CRTAM: variants seen among roughly 807,000 people sequenced by gnomAD.
CRTAM encodes cytotoxic and regulatory T-cell molecule.
Under a neutral mutation model 50.0 loss-of-function variants are expected in CRTAM, and 44 were observed. The observed-to-expected ratio is 0.88, with a 90% CI of 0.69 to 1.13. The LOEUF is 1.13. Ranked by LOEUF, CRTAM falls within the 50% of genes most tolerant of loss-of-function variation. The pLI is 0.00. For synonymous variants in CRTAM, 159 were observed against 169.3 expected, an observed-to-expected ratio of 0.94 and a Z score of 0.47; for missense variants, 448 against 457.5, an observed-to-expected ratio of 0.98 and a Z score of 0.19.
At chr11:122,851,639 C>T in intron 2 of CRTAM, 54 bp from the exon 3 acceptor site, 2 of 1,572,064 alleles carry the variant, frequency 1.3e-6, no homozygotes, top group Non-Finnish European at 1.7e-6. Context: ...GGGTAGAGGC[C>T]AACGATTCAT....
intron 2 of CRTAM, among the ~76,000 whole-genome samples, chr11:122,850,689 A>G (rs1231514056): frequency 1.3e-5 from 2 of 152,332 alleles, no homozygotes; most frequent in East Asian, 3.9e-4. Context: ...TGGTCTTAAC[A>G]TAAAATCAAG....
At chr11:122,854,412 C>G (rs1314127605) in intron 4 of CRTAM, among the ~76,000 whole-genome samples, 1 of 152,076 alleles carries the variant, frequency 6.6e-6, no homozygotes, top group Non-Finnish European at 1.5e-5. Flanking sequence ...ATGGCTCATG[C>G]CTGTACTCCC....
intron 1 of CRTAM, among the ~76,000 whole-genome samples, chr11:122,844,630 C>T (rs1337344175): frequency 6.6e-6 from 1 of 152,156 alleles, no homozygotes; most frequent in Non-Finnish European, 1.5e-5. Flanking sequence ...TTTTCAAGCT[C>T]ACATTGTAAT....
chr11:122,862,008 T>A (rs1221814412), intron 5 of CRTAM, among the ~76,000 whole-genome samples: 1 of 149,822 alleles, frequency 6.7e-6, no homozygotes, highest in East Asian at 1.9e-4. Flanking sequence ...ATCTCCATTT[T>A]ACAGATAAGA....
At chr11:122,871,213 A>G in intron 9 of CRTAM, 56 bp from the exon 10 acceptor site, 2 of 1,498,570 alleles carry the variant, frequency 1.3e-6, no homozygotes, top group Non-Finnish European at 1.8e-6. Context: ...GTTTCAAGTA[A>G]ATGGGTGCAA....
intron 6 of CRTAM, among the ~76,000 whole-genome samples, chr11:122,863,272 A>AAAAGAAAGAAAGAAAGAAAAAG (rs5795356): frequency 7.1e-6 from 1 of 140,644 alleles, no homozygotes; most frequent in Non-Finnish European, 1.5e-5. Context: ...GAAAGAAAGA[A>AAAAGAAAGAAAGAAAGAAAAAG]AAAGAAAGAA....
intron 5 of CRTAM, among the ~76,000 whole-genome samples, chr11:122,861,385 CGT>C (rs1565291662): frequency 5.6e-5 from 3 of 53,756 alleles, no homozygotes; most frequent in South Asian, 9.1e-4. Context: ...CATACATATA[CGT>C]ATATATATAT....
intron 3 of CRTAM, among the ~76,000 whole-genome samples, chr11:122,852,875 A>G (rs1861950029): frequency 6.6e-6 from 1 of 152,198 alleles, no homozygotes; most frequent in African/African-American, 2.4e-5. Flanking sequence ...CATCTAATGT[A>G]TATTTGGAGC....
intron 9 of CRTAM, 89 bp downstream of exon 9, chr11:122,868,188 A>ATG (rs58440037): frequency 0.063 from 27,423 of 436,460 alleles, 548 homozygotes; most frequent in African/African-American, 0.079. Flanking sequence ...ACAACAGAAT[A>ATG]TGTGTGTGTG....
At chr11:122,852,698 G>A (rs1861947608) in intron 3 of CRTAM, among the ~76,000 whole-genome samples, 1 of 152,098 alleles carries the variant, frequency 6.6e-6, no homozygotes, top group Non-Finnish European at 1.5e-5. Flanking sequence ...ACACATCCTG[G>A]CTCAGCTGCT....
At chr11:122,842,614 C>T (rs1377928503) in intron 1 of CRTAM, among the ~76,000 whole-genome samples, 1 of 152,074 alleles carries the variant, frequency 6.6e-6, no homozygotes, top group African/African-American at 2.4e-5. Flanking sequence ...ATCCTAGAAC[C>T]AGATGATGAT....
intron 5 of CRTAM, among the ~76,000 whole-genome samples, chr11:122,861,119 G>C (rs1862067633): frequency 6.6e-6 from 1 of 151,982 alleles, no homozygotes; most frequent in Non-Finnish European, 1.5e-5. Flanking sequence ...TGTGGTCAGA[G>C]TTCATTTTAG....
At chr11:122,863,722 G>A (rs1010565347) in intron 6 of CRTAM, among the ~76,000 whole-genome samples, 2 of 152,126 alleles carry the variant, frequency 1.3e-5, no homozygotes, top group Admixed American at 1.3e-4. Flanking sequence ...TTGTAAACGT[G>A]TTTAGAATCT....
chr11:122,855,047 G>A (rs11823609), intron 4 of CRTAM, among the ~76,000 whole-genome samples: 6,427 of 152,094 alleles, frequency 0.042, 170 homozygotes, highest in African/African-American at 0.071. Flanking sequence ...GGGTTGAAAC[G>A]ATTCTTCTAC....
At chr11:122,869,625 CA>C (rs1290769761) in intron 9 of CRTAM, among the ~76,000 whole-genome samples, 10 of 152,208 alleles carry the variant, frequency 6.6e-5, no homozygotes, top group African/African-American at 2.2e-4. Flanking sequence ...TTCCTCCATA[CA>C]AACTAACTTA....
Position 122,842,517 on chromosome 11 carries a change from G to C in CRTAM, c.46+3925G>C, listed in dbSNP as rs145990930. On this transcript the variant is annotated intron_variant, in intron 1 of 9. Coordinates refer to ENST00000227348, the MANE Select transcript of CRTAM (RefSeq NM_019604.4). Reference sequence around the variant, plus strand: ...TGGTCTCGAACTCCTGACCTCAGGAGATCCACCCGCCTCGGCCTCCCAAAG... The same window carrying C: ...TGGTCTCGAACTCCTGACCTCAGGACATCCACCCGCCTCGGCCTCCCAAAG... Among the ~76,000 whole-genome samples, 503 of 152,262 alleles carry C rather than the reference G, an allele frequency of 3.3e-3. 3 individuals carry two copies. The highest frequency in any genetic ancestry group is 0.011 in the African/African-American group (477 of 41,558).
chr11:122,850,194 T>A lies in CRTAM; in HGVS notation c.173T>A (p.Ile58Asn), dbSNP rs1194712491. 1.9e-6 allele frequency: 3 copies of A among 1,607,378 alleles called. No homozygotes were observed. The highest frequency in any genetic ancestry group is 2.6e-6 in the Non-Finnish European group (3 of 1,175,746). The stretch of plus-strand genomic sequence containing the variant: ...TGGCTGACCCCCTCAGGGTTCACCA[T>A]TTTTTTAAATGAGTATCCTGGTAAG... ...LQWLTPSGFT[I>N]FLNEYPALKN... Residue 58 changes from isoleucine (I) to asparagine (N), a missense_variant, in exon 2 of 10, where the codon ATT (isoleucine) becomes AAT (asparagine). Transcript: ENST00000227348.
At chr11:122,859,496 GA>G (rs1862045784) in intron 5 of CRTAM, among the ~76,000 whole-genome samples, 1 of 151,874 alleles carries the variant, frequency 6.6e-6, no homozygotes, top group South Asian at 2.1e-4. Flanking sequence ...TTTACATTTT[GA>G]AAATCTCATA....
chr11:122,863,974 T>G (rs1317247926), intron 6 of CRTAM, among the ~76,000 whole-genome samples: 1 of 152,072 alleles, frequency 6.6e-6, no homozygotes, highest in Non-Finnish European at 1.5e-5. Context: ...ATTGGAAACA[T>G]CAGCAGTAAA....
Sources: allele counts gnomAD v4.1 joint callset (sites outside exome capture counted in the v4.1 genomes callset), GRCh38; gene constraint gnomAD v4.1.1; transcripts MANE v1.5; gene names NCBI Gene and HGNC (gene_info 2026-07-23, HGNC 2026-07-21).